MPP7: variants seen among roughly 807,000 people sequenced by gnomAD.
MPP7 encodes the protein MAGUK p55 subfamily member 7.
Under a neutral mutation model 76.5 loss-of-function variants are expected in MPP7, and 60 were observed. The ratio of observed to expected loss-of-function variants is 0.78; its 90% confidence interval spans 0.64 to 0.97. The LOEUF is 0.97. Among genes scored for constraint, MPP7 ranks in the 50% least tolerant of loss-of-function variants. The pLI is 0.00. For missense variants in MPP7, 641 were observed against 694.0 expected, an observed-to-expected ratio of 0.92 and a Z score of 0.86; for synonymous variants, 237 against 244.5, an observed-to-expected ratio of 0.97 and a Z score of 0.29.
chr10:28,153,648 A>C (rs1014278180), intron 3 of MPP7, among the ~76,000 whole-genome samples: 5 of 152,220 alleles, frequency 3.3e-5, no homozygotes, highest in Admixed American at 6.5e-5. Context: ...CCTAAAAATA[A>C]ATGTTTAATT....
chr10:28,179,442 TATA>T (rs987413534), intron 3 of MPP7, among the ~76,000 whole-genome samples: 4 of 152,180 alleles, frequency 2.6e-5, no homozygotes, highest in Non-Finnish European at 4.4e-5. Flanking sequence ...TAACACAATC[TATA>T]ATAACTATTT....
intron 1 of MPP7, among the ~76,000 whole-genome samples, chr10:28,261,978 C>T (rs181813187): frequency 1.5e-3 from 233 of 150,828 alleles, no homozygotes; most frequent in Non-Finnish European, 2.6e-3. Context: ...GGTGAAACCC[C>T]ATCTCTACTA....
chr10:28,069,175 A>G (rs1852109490), intron 13 of MPP7, among the ~76,000 whole-genome samples: 1 of 152,238 alleles, frequency 6.6e-6, no homozygotes, highest in Non-Finnish European at 1.5e-5. Flanking sequence ...CAGGGTCACT[A>G]TAGTCAATAA....
chr10:28,241,507 A>G lies in MPP7; in HGVS notation c.-131-2772T>C, dbSNP rs1411041362. Among the ~76,000 whole-genome samples, 54 of 152,216 alleles carry G rather than the reference A, an allele frequency of 3.5e-4. 1 individual carries two copies. The highest frequency in any genetic ancestry group is 2.9e-5 in the Non-Finnish European group (2 of 68,018). On this transcript the variant is annotated intron_variant, in intron 1 of 16. Coordinates refer to ENST00000683449, the MANE Select transcript of MPP7 (RefSeq NM_001318170.2). ...CTAGGTTTAACTTTCAAACTGAGTTAAACTTTTGTAGTAATGATGTTATTT... is the reference window on the plus strand; with the variant it reads ...CTAGGTTTAACTTTCAAACTGAGTTGAACTTTTGTAGTAATGATGTTATTT...
chr10:28,187,858 A>T (rs533073155), intron 3 of MPP7, among the ~76,000 whole-genome samples: 5 of 152,340 alleles, frequency 3.3e-5, no homozygotes, highest in Admixed American at 2.0e-4. Context: ...AAATACCTTG[A>T]CTGGATCGAT....
chr10:28,154,988 TCAGA>T (rs60420632), intron 3 of MPP7, among the ~76,000 whole-genome samples: 3,506 of 152,278 alleles, frequency 0.023, 109 homozygotes, highest in African/African-American at 0.077. Flanking sequence ...GTCATGGAAC[TCAGA>T]CAGGTTTCAA....
chr10:28,227,523 G>A (rs1376685861), intron 2 of MPP7, among the ~76,000 whole-genome samples: 4 of 151,838 alleles, frequency 2.6e-5, no homozygotes, highest in African/African-American at 7.2e-5. Flanking sequence ...GTATCCATGT[G>A]ATCTCATTGT....
chr10:28,232,358 A>AAC (rs3064135), intron 2 of MPP7, among the ~76,000 whole-genome samples: 19,856 of 147,266 alleles, frequency 0.13, 1,619 homozygotes, highest in East Asian at 0.43. Flanking sequence ...TGTCTCTTAA[A>AAC]ACACACACAC....
At chr10:28,061,529 T>C (rs1428137788) in intron 13 of MPP7, among the ~76,000 whole-genome samples, 2 of 151,712 alleles carry the variant, frequency 1.3e-5, no homozygotes, top group Non-Finnish European at 2.9e-5. Context: ...TTAAAAAATA[T>C]AGATAGAACT....
At chr10:28,244,594 C>T (rs1474038011) in intron 1 of MPP7, among the ~76,000 whole-genome samples, 2 of 152,152 alleles carry the variant, frequency 1.3e-5, no homozygotes, top group African/African-American at 4.8e-5. Flanking sequence ...AACATATGTC[C>T]TTTCCACACA....
intron 2 of MPP7, among the ~76,000 whole-genome samples, chr10:28,327,581 T>A (rs1834429343): frequency 6.6e-6 from 1 of 152,304 alleles, no homozygotes; most frequent in African/African-American, 2.4e-5. Flanking sequence ...AGTTCTAGTT[T>A]ATTTATTTAT....
At chr10:28,302,207 C>T (rs932361277) in intron 1 of MPP7, among the ~76,000 whole-genome samples, 1 of 152,208 alleles carries the variant, frequency 6.6e-6, no homozygotes, top group African/African-American at 2.4e-5. Context: ...ACTCCTCCCC[C>T]TCATTCCTAC....
chr10:28,162,206 C>T (rs975230074), intron 3 of MPP7, among the ~76,000 whole-genome samples: 3 of 152,112 alleles, frequency 2.0e-5, no homozygotes, highest in African/African-American at 4.8e-5. Flanking sequence ...GTGGAAATAT[C>T]AACAATTCCA....
rs80324475 is a variant in MPP7 at position 28,320,133 on chromosome 10, C to T, written c.-132+9796G>A. Among the ~76,000 whole-genome samples the T allele has an allele frequency of 7.2e-3, 1,095 of 152,158 alleles. 11 individuals are homozygous for T. The highest frequency in any genetic ancestry group is 0.025 in the African/African-American group (1,044 of 41,500). ...TCAGTTAGTGACTCTGGAGAAGATACGTGTGAGAGATCAACAGGAATTGAA... is the reference window on the plus strand; with the variant it reads ...TCAGTTAGTGACTCTGGAGAAGATATGTGTGAGAGATCAACAGGAATTGAA... On this transcript the variant is annotated intron_variant, in intron 2 of 11. Coordinates refer to the MPP7 transcript ENST00000441595.
chr10:28,313,919 T>C (rs1270405309), intron 2 of MPP7, among the ~76,000 whole-genome samples: 3 of 144,218 alleles, frequency 2.1e-5, no homozygotes, highest in African/African-American at 7.7e-5. Flanking sequence ...TTGCCCAGGC[T>C]GGTCTTGAAC....
rs7921181 is a variant in MPP7, at chr10:28,057,587, A to T, written c.1407+908T>A. ...ACGCTTCCTGTACAGTCTGCAGAGC[A>T]GTGAGCCAATTAAACCTCTTTTTTT... is the stretch of plus-strand genomic sequence containing the variant. On this transcript the variant is annotated intron_variant, in intron 15 of 16. Transcript: ENST00000683449. 59 of 366,678 alleles carry T rather than the reference A, an allele frequency of 1.6e-4. 1 individual carries two copies. Among genetic ancestry groups the T allele is most frequent in the African/African-American group, 1.4e-3 (57 of 40,476 alleles). 22.7% of individuals were successfully genotyped at this position (366,678 alleles called of 1,614,324 possible). A position where few individuals can be genotyped will look rare whatever the true frequency, so the allele number is the denominator to read the frequency against.
chr10:28,087,363 AAC>A (rs1374128651), intron 12 of MPP7, among the ~76,000 whole-genome samples: 3 of 152,170 alleles, frequency 2.0e-5, no homozygotes, highest in African/African-American at 7.2e-5. Context: ...CCTTTACAGC[AAC>A]ACACAACAGA....
chr10:28,307,982 G>T (rs1020690080), upstream of MPP7, among the ~76,000 whole-genome samples: 1 of 152,168 alleles, frequency 6.6e-6, no homozygotes, highest in Non-Finnish European at 1.5e-5. Flanking sequence ...TTAGAGACCT[G>T]TACTTGAAAC....
intron 1 of MPP7, among the ~76,000 whole-genome samples, chr10:28,276,509 T>A (rs1210808840): frequency 6.6e-6 from 1 of 152,012 alleles, no homozygotes; most frequent in African/African-American, 2.4e-5. Context: ...ACAAACAAGA[T>A]GAAATTACAT....
Sources: allele counts gnomAD v4.1 joint callset (sites outside exome capture counted in the v4.1 genomes callset), GRCh38; gene constraint gnomAD v4.1.1; transcripts MANE v1.5; gene names NCBI Gene and HGNC (gene_info 2026-07-23, HGNC 2026-07-21).